The following DPYD variants were observed in gnomAD, a reference collection of about 807,000 sequenced individuals.
The protein encoded by DPYD is dihydropyrimidine dehydrogenase [NADP(+)].
A neutral mutation model predicts 116.2 loss-of-function variants in DPYD; 109 were observed. That is an observed-to-expected ratio of 0.94 (90% CI 0.80 to 1.10). The LOEUF (loss-of-function observed/expected upper bound fraction) is 1.10, where lower values mean the gene tolerates loss of function less well. Among genes scored for constraint, DPYD ranks in the 50% least tolerant of loss-of-function variants. The pLI is 0.00. For missense variants in DPYD, 1,302 were observed against 1,254.5 expected (o/e 1.04, Z -0.57); for synonymous variants, 440 against 432.0 (o/e 1.02, Z -0.23).
chr1:97,123,082 A>G (rs1189538031), intron 20 of DPYD, among the ~76,000 whole-genome samples: 1 of 152,136 alleles, frequency 6.6e-6, no homozygotes, highest in African/African-American at 2.4e-5. Context: ...GAATAGTAAA[A>G]CATGATGCTG....
intron 8 of DPYD, among the ~76,000 whole-genome samples, chr1:97,609,353 A>G (rs1655794228): frequency 2.0e-5 from 3 of 152,004 alleles, no homozygotes; most frequent in South Asian, 2.1e-4. Context: ...TGTTTTGTCA[A>G]TGTATTCTAC....
chr1:97,262,996 G>A (rs1207999736), intron 18 of DPYD, among the ~76,000 whole-genome samples: 6 of 152,048 alleles, frequency 3.9e-5, no homozygotes, highest in African/African-American at 1.4e-4. Context: ...CTCAGTGTTG[G>A]GTTATAGTGT....
intron 2 of DPYD, among the ~76,000 whole-genome samples, chr1:97,850,634 T>C (rs1670523206): frequency 6.6e-6 from 1 of 151,986 alleles, no homozygotes. Flanking sequence ...AGAAGAAGAA[T>C]ATAAAGGGTG....
At chr1:97,355,294 T>C (rs965408643) in intron 16 of DPYD, among the ~76,000 whole-genome samples, 1 of 152,150 alleles carries the variant, frequency 6.6e-6, no homozygotes, top group Non-Finnish European at 1.5e-5. Context: ...TTGTATATAT[T>C]TGAGTTACCA....
At chr1:97,113,908 T>A (rs1482886283) in intron 20 of DPYD, among the ~76,000 whole-genome samples, 1 of 152,080 alleles carries the variant, frequency 6.6e-6, no homozygotes, top group African/African-American at 2.4e-5. Context: ...AAAATGCATG[T>A]CTTAGATTTG....
intron 14 of DPYD, among the ~76,000 whole-genome samples, chr1:97,448,566 T>A (rs555859746): frequency 6.6e-6 from 1 of 152,198 alleles, no homozygotes; most frequent in South Asian, 2.1e-4. Context: ...GCAGAGTATT[T>A]AATACTGTAG....
At chr1:97,458,991 G>A (rs1333667334) in intron 13 of DPYD, among the ~76,000 whole-genome samples, 2 of 152,022 alleles carry the variant, frequency 1.3e-5, no homozygotes, top group African/African-American at 4.8e-5. Context: ...GGGAGCCAGT[G>A]CAAAGAAAAA....
intron 3 of DPYD, among the ~76,000 whole-genome samples, chr1:97,808,591 C>A (rs1393493686): frequency 1.3e-5 from 2 of 152,044 alleles, no homozygotes. Flanking sequence ...TCATTTATTT[C>A]TTCCCAAACT....
intron 3 of DPYD, among the ~76,000 whole-genome samples, chr1:97,806,181 A>T (rs367928528): frequency 3.2e-4 from 49 of 152,060 alleles, no homozygotes; most frequent in African/African-American, 1.2e-3. Flanking sequence ...AATAGACCAC[A>T]TGCAGGGACA....
At chr1:97,723,384 G>C (rs750281378) in intron 4 of DPYD, among the ~76,000 whole-genome samples, 2 of 151,412 alleles carry the variant, frequency 1.3e-5, no homozygotes, top group Non-Finnish European at 3.0e-5. Context: ...ACTGTTCATG[G>C]CTCAATAGAT....
At chr1:97,665,278 A>C (rs1164987282) in intron 8 of DPYD, among the ~76,000 whole-genome samples, 1 of 152,202 alleles carries the variant, frequency 6.6e-6, no homozygotes, top group Non-Finnish European at 1.5e-5. Context: ...TTGCTTTAGA[A>C]AATAATTTGA....
intron 3 of DPYD, among the ~76,000 whole-genome samples, chr1:97,792,866 AGG>A (rs1306632215): frequency 6.6e-6 from 1 of 152,210 alleles, no homozygotes; most frequent in Non-Finnish European, 1.5e-5. Context: ...CATCAAAAAC[AGG>A]GTAAGTTGGA....
At chr1:97,797,116 T>C (rs1016766198) in intron 3 of DPYD, 3 of 152,126 alleles carry the variant, frequency 2.0e-5, no homozygotes, top group Non-Finnish European at 4.4e-5. Flanking sequence ...CAGAGTCTTA[T>C]CTTTAAAAAA....
intron 14 of DPYD, among the ~76,000 whole-genome samples, chr1:97,442,030 C>T (rs1334287813): frequency 6.6e-6 from 1 of 152,122 alleles, no homozygotes; most frequent in Non-Finnish European, 1.5e-5. Context: ...TATGTAAGAA[C>T]CAAGGAGTAG....
At chr1:97,459,085 C>T (rs191477137) in intron 13 of DPYD, among the ~76,000 whole-genome samples, 11 of 151,722 alleles carry the variant, frequency 7.3e-5, no homozygotes, top group East Asian at 1.9e-4. Context: ...CTTAAAAATA[C>T]GAGAGACTTG....
chr1:97,670,364 T>C (rs920197128), intron 8 of DPYD, among the ~76,000 whole-genome samples: 9 of 152,278 alleles, frequency 5.9e-5, no homozygotes, highest in Middle Eastern at 6.8e-3. Flanking sequence ...GGGATGTAAT[T>C]AGTTTTAGTT....
intron 20 of DPYD, among the ~76,000 whole-genome samples, chr1:97,190,016 A>C (rs913177213): frequency 6.6e-6 from 1 of 152,192 alleles, no homozygotes; most frequent in African/African-American, 2.4e-5. Context: ...AATTATTTTC[A>C]TTGTACAGTT....
chr1:97,524,884 T>A (rs1225749746), intron 12 of DPYD, among the ~76,000 whole-genome samples: 1 of 152,210 alleles, frequency 6.6e-6, no homozygotes, highest in Non-Finnish European at 1.5e-5. Context: ...TGAATATTTA[T>A]TAGGCATTTT....
At chr1:97,472,451 A>C (rs565612950) in intron 13 of DPYD, among the ~76,000 whole-genome samples, 1 of 152,286 alleles carries the variant, frequency 6.6e-6, no homozygotes, top group African/African-American at 2.4e-5. Context: ...TTTTTAGTAC[A>C]CTTTCTTCCT....
Sources: gnomAD v4.1 joint callset for allele counts (sites outside exome capture counted in the v4.1 genomes callset) on GRCh38, gnomAD v4.1.1 for gene constraint, MANE v1.5 for transcripts, NCBI Gene and HGNC (gene_info 2026-07-23, HGNC 2026-07-21) for gene names.